Variants in PRSS23 observed in about 807,000 individuals in gnomAD.
The protein encoded by PRSS23 is protease, serine 23.
A neutral mutation model predicts 34.7 loss-of-function variants in PRSS23; 25 were observed. The ratio of observed to expected loss-of-function variants is 0.72; its 90% CI spans 0.53 to 1.01. The LOEUF is 1.01. Among genes scored for constraint, PRSS23 ranks in the 50% least tolerant of loss-of-function variants. The pLI, the probability that PRSS23 is intolerant of heterozygous loss-of-function variation, is 0.00. For missense variants in PRSS23, 445 were observed against 475.6 expected (o/e 0.94, Z 0.60); for synonymous variants, 176 against 186.6 (o/e 0.94, Z 0.46).
At chr11:86,944,987 C>T (rs932033128) in intron 2 of PRSS23, among the ~76,000 whole-genome samples, 3 of 152,140 alleles carry the variant, frequency 2.0e-5, no homozygotes, top group African/African-American at 4.8e-5. Flanking sequence ...CATCAGCAGA[C>T]GGTGATGGCT....
At position 86,855,852 on chromosome 11, in the gene PRSS23, A is replaced by T. The variant is rs147261781; in HGVS notation, c.206+32259A>T. Among the ~76,000 whole-genome samples the T allele has an allele frequency of 4.6e-3, 701 of 152,326 alleles. 13 individuals carry two copies. Among genetic ancestry groups the T allele is most frequent in the African/African-American group, 0.016 (672 of 41,564 alleles). ...TAAGTGAGGACATGTAATATTTGTC[A>T]TTCTGTGCCTGGCTTATTTCACTTA... On this transcript the variant is annotated intron_variant, in intron 2 of 2. Transcript: ENST00000533902.
intron 2 of PRSS23, chr11:86,937,600 T>TCACTGCTA (rs1404953340): frequency 6.6e-6 from 1 of 152,226 alleles, no homozygotes; most frequent in African/African-American, 2.4e-5. Flanking sequence ...CTGGTTGTCC[T>TCACTGCTA]CACTGCTACA....
chr11:86,832,098 T>G (rs995120603), intron 2 of PRSS23, among the ~76,000 whole-genome samples: 7 of 152,074 alleles, frequency 4.6e-5, no homozygotes, highest in East Asian at 1.9e-4. Context: ...CCCTGTGATA[T>G]TCTTCATAAT....
chr11:86,896,595 C>T (rs1590918359), intron 2 of PRSS23: 1 of 152,204 alleles, frequency 6.6e-6, no homozygotes, highest in Admixed American at 6.5e-5. Flanking sequence ...TTCAGTCACT[C>T]ATCATTAACA....
At chr11:86,914,419 G>T (rs898347265) in intron 2 of PRSS23, among the ~76,000 whole-genome samples, 11 of 152,230 alleles carry the variant, frequency 7.2e-5, no homozygotes, top group Non-Finnish European at 1.0e-4. Flanking sequence ...GGGTTAAAAA[G>T]TGAATGGAAG....
At chr11:86,926,624 TC>T (rs1949083630) in intron 2 of PRSS23, among the ~76,000 whole-genome samples, 1 of 152,168 alleles carries the variant, frequency 6.6e-6, no homozygotes, top group African/African-American at 2.4e-5. Context: ...GGGGGTATTG[TC>T]TTTTGACCCT....
At chr11:86,799,825 C>T (rs1194820892), upstream of PRSS23, among the ~76,000 whole-genome samples, 1 of 152,140 alleles carries the variant, frequency 6.6e-6, no homozygotes, top group East Asian at 1.9e-4. Flanking sequence ...GGCTCCCCAG[C>T]CACCGCCGCT....
chr11:86,851,451 AC>A (rs1253437329), intron 2 of PRSS23, among the ~76,000 whole-genome samples: 2 of 152,146 alleles, frequency 1.3e-5, no homozygotes, highest in Non-Finnish European at 2.9e-5. Context: ...TCTACCAGGA[AC>A]CCCCAAAGGG....
intron 2 of PRSS23, among the ~76,000 whole-genome samples, chr11:86,887,402 A>G: frequency 9.3e-6 from 1 of 107,928 alleles, no homozygotes; most frequent in African/African-American, 3.5e-5. Flanking sequence ...CAGGAAAAAA[A>G]CAAAACAAAA....
At chr11:86,942,945 A>C (rs1038204811) in intron 2 of PRSS23, among the ~76,000 whole-genome samples, 99 of 152,236 alleles carry the variant, frequency 6.5e-4, no homozygotes, top group African/African-American at 2.1e-3. Context: ...TGAAAACAGG[A>C]GGCCAAGGCT....
At chr11:86,836,009 G>A (rs1694713617) in intron 2 of PRSS23, among the ~76,000 whole-genome samples, 1 of 152,128 alleles carries the variant, frequency 6.6e-6, no homozygotes, top group African/African-American at 2.4e-5. Context: ...GGGTTTGAAG[G>A]TTCTTCAAAG....
intron 2 of PRSS23, chr11:86,910,808 T>C (rs1359085606): frequency 6.6e-6 from 1 of 152,176 alleles, no homozygotes; most frequent in Non-Finnish European, 1.5e-5. Flanking sequence ...AGATGATACA[T>C]TTGTTTGTTT....
intron 2 of PRSS23, chr11:86,950,563 A>C (rs1949281135): frequency 6.1e-6 from 1 of 164,208 alleles, no homozygotes; most frequent in African/African-American, 2.4e-5. Flanking sequence ...AAAGATTCTA[A>C]CACCACTTCT....
intron 1 of PRSS23, among the ~76,000 whole-genome samples, chr11:86,816,798 T>C (rs1022230900): frequency 6.6e-6 from 1 of 152,240 alleles, no homozygotes; most frequent in Non-Finnish European, 1.5e-5. Flanking sequence ...TATAACATAA[T>C]ATCAGGAAGA....
chr11:86,796,157 C>T (rs1201347466), upstream of PRSS23, among the ~76,000 whole-genome samples: 3 of 152,098 alleles, frequency 2.0e-5, no homozygotes, highest in East Asian at 1.9e-4. Context: ...ATTGTCAGGA[C>T]GGGAAAAGGC....
intron 2 of PRSS23, among the ~76,000 whole-genome samples, chr11:86,905,995 C>T (rs1276917200): frequency 2.0e-5 from 3 of 147,402 alleles, no homozygotes; most frequent in Non-Finnish European, 4.6e-5. Flanking sequence ...CATTCATTCA[C>T]TCATTCACTC....
chr11:86,875,228 G>A (rs554758314), intron 2 of PRSS23, among the ~76,000 whole-genome samples: 74 of 152,242 alleles, frequency 4.9e-4, no homozygotes, highest in African/African-American at 1.6e-3. Context: ...ACAATTAGCC[G>A]GGTGTGGTGG....
At chr11:86,869,984 C>G (rs7931943) in intron 2 of PRSS23, among the ~76,000 whole-genome samples, 13,186 of 152,260 alleles carry the variant, frequency 0.087, 629 homozygotes, top group East Asian at 0.2. Flanking sequence ...TAATAAGCAG[C>G]AGGGCTGGTG....
chr11:86,876,401 A>C (rs1434286805), intron 2 of PRSS23, among the ~76,000 whole-genome samples: 1 of 152,214 alleles, frequency 6.6e-6, no homozygotes, highest in Non-Finnish European at 1.5e-5. Context: ...CTGGCTAACC[A>C]TTATTGCCTC....
Sources: gnomAD v4.1 joint callset for allele counts (sites outside exome capture counted in the v4.1 genomes callset) on GRCh38, gnomAD v4.1.1 for gene constraint, MANE v1.5 for transcripts, NCBI Gene and HGNC (gene_info 2026-07-23, HGNC 2026-07-21) for gene names.